Variants in TENM3 observed in about 807,000 individuals in gnomAD.
TENM3 encodes the protein teneurin transmembrane protein 3.
TENM3 carries 63 observed loss-of-function variants against 255.1 expected under a neutral mutation model. That is an observed-to-expected ratio of 0.25 (90% CI 0.20 to 0.30). TENM3 has a LOEUF of 0.30. Ranked by LOEUF, TENM3 falls within the 10% of genes least tolerant of loss-of-function variation. TENM3 has a pLI of 1.00. For missense variants in TENM3, 2,929 were observed against 3,461.1 expected, an observed-to-expected ratio of 0.85 and a Z score of 3.86; for synonymous variants, 1,306 against 1,322.3, an observed-to-expected ratio of 0.99 and a Z score of 0.27.
chr4:182,511,839 TTAAC>T (rs376940173), intron 3 of TENM3, among the ~76,000 whole-genome samples: 12 of 152,344 alleles, frequency 7.9e-5, no homozygotes, highest in South Asian at 4.1e-4. Flanking sequence ...TATTTATTGA[TTAAC>T]TAGCAAGTGC....
At chr4:182,241,422 G>A (rs116451681), upstream of TENM3, among the ~76,000 whole-genome samples, 936 of 151,692 alleles carry the variant, frequency 6.2e-3, 8 homozygotes, top group African/African-American at 0.022. Context: ...GCCCTGTGTG[G>A]CATTCCCCTC....
chr4:182,244,899 A>T (rs1425454694), intron 1 of TENM3, among the ~76,000 whole-genome samples: 1 of 152,228 alleles, frequency 6.6e-6, no homozygotes, highest in African/African-American at 2.4e-5. Context: ...TTTATGTTCT[A>T]ATTAAATTAA....
At chr4:181,681,792 T>C in the TENM3 span, among the ~76,000 whole-genome samples, 1 of 152,132 alleles carries the variant, frequency 6.6e-6, no homozygotes, top group African/African-American at 2.4e-5. Context: ...AAGTGGGTGA[T>C]TTTTCTAAAT....
At chr4:182,069,581 T>G in the TENM3 span, among the ~76,000 whole-genome samples, 55 of 152,294 alleles carry the variant, frequency 3.6e-4, 1 homozygote, top group African/African-American at 1.3e-3. Flanking sequence ...AAACCCTTTA[T>G]TTTCAAAATT....
At chr4:182,512,508 G>T (rs1223226652) in intron 3 of TENM3, among the ~76,000 whole-genome samples, 3 of 152,008 alleles carry the variant, frequency 2.0e-5, no homozygotes, top group Admixed American at 2.0e-4. Context: ...AAAATAGATG[G>T]GTATGATCAA....
At chr4:182,526,993 C>G (rs11940033) in intron 3 of TENM3, among the ~76,000 whole-genome samples, 25,233 of 151,390 alleles carry the variant, frequency 0.17, 3,335 homozygotes, top group African/African-American at 0.36. Context: ...TTTTTCTGAG[C>G]TCCTAATATG....
chr4:182,673,263 G>A (rs772806748), intron 7 of TENM3, 44 bp downstream of exon 7: 1 of 1,366,184 alleles, frequency 7.3e-7, no homozygotes. Context: ...ACTGCCAGTT[G>A]CATTTTTTGA....
In TENM3 at chr4:182,730,246, C is replaced by G; in HGVS notation, c.2632C>G (p.Pro878Ala). Residue 878 changes from proline to alanine, a missense_variant, in exon 15 of 28, where the codon CCA becomes GCA. This residue lies in a region of TENM3 where 1,608 missense variants were observed against 1,884.4 expected (regional missense o/e 0.85). Transcript: ENST00000511685. Reference protein sequence around the residue: ...RGQVLTADGTPLIGVNVSFFH... With the variant: ...RGQVLTADGTALIGVNVSFFH... ...CCAAGTACTGACTGCTGATGGAACT[C>G]CACTTATTGGAGTAAATGTCTCGTT... 1 of 1,613,844 alleles carries G rather than the reference C, an allele frequency of 6.2e-7. No individual in the cohort carries two copies.
chr4:181,555,417 T>A, the TENM3 span, among the ~76,000 whole-genome samples: 1 of 152,188 alleles, frequency 6.6e-6, no homozygotes, highest in African/African-American at 2.4e-5. Flanking sequence ...TCCAACTGTG[T>A]TAATTCCTAT....
chr4:181,762,338 C>A, the TENM3 span, among the ~76,000 whole-genome samples: 1 of 152,132 alleles, frequency 6.6e-6, no homozygotes, highest in Admixed American at 6.6e-5. Flanking sequence ...AAATCAGTGA[C>A]GAAAAACATC....
chr4:181,850,469 A>G, the TENM3 span, among the ~76,000 whole-genome samples: 2 of 152,126 alleles, frequency 1.3e-5, no homozygotes, highest in African/African-American at 4.8e-5. Context: ...AAAAAGCCAC[A>G]TAGGAAATTT....
chr4:182,124,415 A>C, the TENM3 span, among the ~76,000 whole-genome samples: 13 of 152,214 alleles, frequency 8.5e-5, no homozygotes, highest in African/African-American at 2.9e-4. Context: ...GTGAATCTGA[A>C]GTTAAGAAGG....
the TENM3 span, among the ~76,000 whole-genome samples, chr4:181,945,908 G>A: frequency 6.6e-6 from 1 of 151,652 alleles, no homozygotes; most frequent in African/African-American, 2.4e-5. Context: ...CACACAGTCT[G>A]GAGAAATATA....
chr4:182,364,734 A>C (rs925019611), intron 3 of TENM3, among the ~76,000 whole-genome samples: 1 of 152,098 alleles, frequency 6.6e-6, no homozygotes, highest in African/African-American at 2.4e-5. Context: ...TTCAGTTTTC[A>C]CCTAAGTTTC....
chr4:182,789,142 C>T lies in TENM3; in HGVS notation c.5354C>T (p.Thr1785Ile). The change falls in exon 25 of 28, where the codon ACA becomes ATA. Residue 1785 changes from threonine to isoleucine, a missense_variant. By Grantham distance (89) the Thr-to-Ile change is moderately conservative (BLOSUM62 -1). Coordinates refer to ENST00000511685, the MANE Select transcript of TENM3 (RefSeq NM_001080477.4). This position sits in a 1 kb window ranked among gnomAD's most constrained non-coding sequence, Gnocchi z 4.4. The part of the protein sequence containing the change: ...LSVDFDRTTK[T>I]EKIYDDHRKF... Reference sequence around the variant, plus strand: ...GTTGACTTTGATCGAACAACAAAGACAGAAAAGATCTATGACGACCACCGT... The same window carrying T: ...GTTGACTTTGATCGAACAACAAAGATAGAAAAGATCTATGACGACCACCGT... The T allele has an allele frequency of 6.2e-7, 1 of 1,612,336 alleles. No homozygotes were observed. The highest frequency in any genetic ancestry group is 8.5e-7 in the Non-Finnish European group (1 of 1,179,052).
chr4:182,082,042 C>A, the TENM3 span, among the ~76,000 whole-genome samples: 1 of 152,160 alleles, frequency 6.6e-6, no homozygotes, highest in Non-Finnish European at 1.5e-5. Context: ...GTTATTTAAA[C>A]ATATACAAAA....
chr4:182,541,212 T>C (rs1740847692), intron 3 of TENM3, among the ~76,000 whole-genome samples: 1 of 152,208 alleles, frequency 6.6e-6, no homozygotes, highest in African/African-American at 2.4e-5. Flanking sequence ...TTTGAAAAAC[T>C]GAGGAACATC....
rs58332965 is a variant in TENM3 at position 182,603,784 on chromosome 4, T to TATATACAC, written c.749+2624_749+2625insTATACACA. 1.3e-4 allele frequency among the ~76,000 whole-genome samples: 18 copies of TATATACAC among 134,208 alleles called. 1 individual carries two copies. Among genetic ancestry groups the TATATACAC allele is most frequent in the African/African-American group, 4.7e-4 (17 of 36,466 alleles). 88.0% of individuals were successfully genotyped at this position (134,208 alleles called of 152,430 possible). ...AATTATTTATATATATATATATATA[T>TATATACAC]ACACACACACACCGATTTTGCTAAT... On this transcript the variant is annotated intron_variant, in intron 4 of 27. Transcript: ENST00000511685.
the TENM3 span, among the ~76,000 whole-genome samples, chr4:181,492,395 T>C: frequency 2.0e-5 from 3 of 152,218 alleles, no homozygotes; most frequent in African/African-American, 7.2e-5. Flanking sequence ...AAGCAATAAA[T>C]GCAGATAGTA....
Sources: gnomAD v4.1 joint callset for allele counts (sites outside exome capture counted in the v4.1 genomes callset) on GRCh38, gnomAD v4.1.1 for gene constraint, gnomAD v4.1.1 regional missense constraint, Gnocchi (gnomAD v3.1) non-coding constraint, MANE v1.5 for transcripts, NCBI Gene and HGNC (gene_info 2026-07-23, HGNC 2026-07-21) for gene names.